RGS22: variants seen among roughly 807,000 people sequenced by gnomAD.
RGS22 encodes the protein regulator of G-protein signaling 22.
In RGS22, 148 loss-of-function variants were observed where a neutral mutation model predicts 172.9. The ratio of observed to expected loss-of-function variants is 0.86; its 90% CI spans 0.75 to 0.98. RGS22 has a LOEUF of 0.98. RGS22 is among the 50% of genes least tolerant of loss of function. RGS22 has a pLI of 0.00. For missense variants in RGS22, 1,347 were observed against 1,440.8 expected (o/e 0.93, Z 1.05); for synonymous variants, 458 against 480.2 (o/e 0.95, Z 0.60).
chr8:99,964,693 G>A (rs999988714), intron 24 of RGS22, among the ~76,000 whole-genome samples: 1 of 151,966 alleles, frequency 6.6e-6, no homozygotes, highest in African/African-American at 2.4e-5. Flanking sequence ...CTCAATAATA[G>A]CTTCATAGTT....
chr8:99,996,282 TGATA>T (rs1272961746), intron 20 of RGS22, among the ~76,000 whole-genome samples, 176 bp downstream of exon 20: 1 of 152,100 alleles, frequency 6.6e-6, no homozygotes, highest in African/African-American at 2.4e-5. Flanking sequence ...AACAGAGTTC[TGATA>T]GAGTCACATT....
Position 99,965,409 on chromosome 8 carries a change from T to G in RGS22, c.3541A>C (p.Asn1181His). 1 of 1,611,968 alleles carries G rather than the reference T, an allele frequency of 6.2e-7. No individual in the cohort carries two copies. Among genetic ancestry groups the G allele is most frequent in the South Asian group, 1.1e-5 (1 of 90,894 alleles). Residue 1181 changes from asparagine (N) to histidine (H), a missense_variant, in exon 24 of 28, where the codon AAT (asparagine) becomes CAT (histidine). By Grantham distance (68) the Asn-to-His change is moderately conservative. Transcript: ENST00000360863. Reference sequence around the variant, plus strand: ...GTTTTGATAGCAGGCACTGAAGTATTTGCATATTGTTTGATTCCATCCTGT... The same window carrying G: ...GTTTTGATAGCAGGCACTGAAGTATGTGCATATTGTTTGATTCCATCCTGT... ...SGKDGIKQYANTSVPAIKTAL... is the reference protein window; with the variant it reads ...SGKDGIKQYAHTSVPAIKTAL...
chr8:100,042,180 G>A (rs1388020930), intron 11 of RGS22, among the ~76,000 whole-genome samples: 1 of 152,164 alleles, frequency 6.6e-6, no homozygotes, highest in Non-Finnish European at 1.5e-5. Flanking sequence ...AAATGACTGG[G>A]ATGGATAATA....
At chr8:99,985,558 CCTGCCTGAAAGAGGG>C (rs1176825922) in intron 21 of RGS22, among the ~76,000 whole-genome samples, 5 of 152,294 alleles carry the variant, frequency 3.3e-5, no homozygotes, top group African/African-American at 1.2e-4. Flanking sequence ...TGGATGTCTT[CCTGCCTGAAAGAGGG>C]CAGTGTGTTG....
chr8:100,066,398 A>C (rs1810539312), intron 6 of RGS22, 102 bp from the exon 7 acceptor site: 1 of 864,136 alleles, frequency 1.2e-6, no homozygotes, highest in Admixed American at 2.6e-5. Context: ...TGCACAGTAC[A>C]ATATGTAAAG....
intron 9 of RGS22, among the ~76,000 whole-genome samples, chr8:100,059,670 T>G (rs1809949366): frequency 6.6e-6 from 1 of 152,146 alleles, no homozygotes; most frequent in Non-Finnish European, 1.5e-5. Context: ...CAAAGAGAGA[T>G]AGGTCCCAAT....
chr8:100,023,231 T>C (rs1817811336), intron 14 of RGS22, among the ~76,000 whole-genome samples: 1 of 152,120 alleles, frequency 6.6e-6, no homozygotes, highest in South Asian at 2.1e-4. Flanking sequence ...GTTTACATAG[T>C]CAGAATAAGT....
chr8:100,056,532 C>T (rs1305007134), intron 9 of RGS22, among the ~76,000 whole-genome samples: 1 of 152,172 alleles, frequency 6.6e-6, no homozygotes, highest in East Asian at 1.9e-4. Context: ...CCCAGGGTCC[C>T]CCTGCTGTGT....
rs1821597227 is a variant in RGS22 at position 100,051,934 on chromosome 8, TATTTATATATTTATATATAAATGTTTA to T, written c.1689+841_1689+867del. ...ATATTTATATATAAATGTTTATATATATTTATATATTTATATATAAATGTTTATATATATTTATATATAAATGTTTAT... is the reference window on the plus strand; with the variant it reads ...ATATTTATATATAAATGTTTATATATTATATATTTATATATAAATGTTTAT... On this transcript the variant is annotated intron_variant, in intron 10 of 27. Transcript: ENST00000360863. Among the ~76,000 whole-genome samples the T allele has an allele frequency of 4.0e-5, 2 of 49,426 alleles. 1 individual carries two copies. The highest frequency in any genetic ancestry group is 6.8e-5 in the Non-Finnish European group (2 of 29,522). 32.4% of individuals were successfully genotyped at this position (49,426 alleles called of 152,430 possible).
intron 4 of RGS22, among the ~76,000 whole-genome samples, chr8:100,076,098 G>A (rs1403505962): frequency 1.3e-5 from 2 of 152,010 alleles, no homozygotes; most frequent in Non-Finnish European, 2.9e-5. Context: ...TGAGTTTTAA[G>A]AGTTATTTTT....
intron 3 of RGS22, among the ~76,000 whole-genome samples, chr8:100,091,384 C>T (rs1297072333): frequency 1.3e-5 from 2 of 150,972 alleles, no homozygotes; most frequent in Admixed American, 6.6e-5. Context: ...GCTTGGGACA[C>T]ACAAAGGGGT....
Position 100,080,201 on chromosome 8 carries a change from TCA to T in RGS22, c.270_271del (p.Asn90LysfsTer3), listed in dbSNP as rs757763270. ...GGCATTCATTTGAACAGGTTTAACC[TCA>T]TTCTTTCCTTTCCTTACAACATCAT... On this transcript the variant is annotated frameshift_variant, in exon 4 of 28. Transcript: ENST00000360863. LOFTEE classifies it high-confidence loss of function. 2.5e-6 allele frequency: 4 copies of T among 1,613,740 alleles called. No homozygotes were observed. The South Asian group carries it at 4.4e-5, about 18-fold the overall frequency.
At chr8:100,033,217 A>G (rs1361170858) in intron 14 of RGS22, among the ~76,000 whole-genome samples, 5 of 152,176 alleles carry the variant, frequency 3.3e-5, no homozygotes, top group African/African-American at 1.2e-4. Flanking sequence ...CAAAAAAATC[A>G]ATGAATCCAG....
chr8:100,006,625 G>A (rs1026297491), intron 15 of RGS22, among the ~76,000 whole-genome samples: 1 of 152,196 alleles, frequency 6.6e-6, no homozygotes, highest in Non-Finnish European at 1.5e-5. Flanking sequence ...AGGAGAACAA[G>A]ACCATTTTCT....
chr8:100,028,869 C>T (rs1032330933), intron 14 of RGS22, among the ~76,000 whole-genome samples: 2 of 152,186 alleles, frequency 1.3e-5, no homozygotes, highest in Admixed American at 1.3e-4. Context: ...ATGGGCATAA[C>T]ATGTGGCTGC....
intron 7 of RGS22, among the ~76,000 whole-genome samples, chr8:100,065,586 T>C (rs1173963311): frequency 6.6e-6 from 1 of 152,188 alleles, no homozygotes; most frequent in Non-Finnish European, 1.5e-5. Context: ...ACAATATCAC[T>C]GTTAATGACT....
intron 20 of RGS22, among the ~76,000 whole-genome samples, chr8:99,990,887 C>T (rs759811421): frequency 9.9e-5 from 15 of 152,166 alleles, no homozygotes; most frequent in Admixed American, 7.2e-4. Flanking sequence ...AGGCAGCTAC[C>T]CCTCTGGGAC....
At chr8:99,965,815 C>G (rs73274911) in intron 23 of RGS22, among the ~76,000 whole-genome samples, 13,382 of 152,114 alleles carry the variant, frequency 0.088, 738 homozygotes, top group African/African-American at 0.15. Context: ...CAAATAGAAT[C>G]TAACTACGTT....
intron 21 of RGS22, among the ~76,000 whole-genome samples, chr8:99,986,796 A>G (rs997138817): frequency 6.6e-6 from 1 of 151,822 alleles, no homozygotes; most frequent in African/African-American, 2.4e-5. Flanking sequence ...AGTATCTTTG[A>G]TTACTATTAC....
Sources: gnomAD v4.1 joint callset for allele counts (sites outside exome capture counted in the v4.1 genomes callset) on GRCh38, gnomAD v4.1.1 for gene constraint, MANE v1.5 for transcripts, NCBI Gene and HGNC (gene_info 2026-07-23, HGNC 2026-07-21) for gene names.